The following ABCG4 variants were observed in gnomAD, a reference collection of about 807,000 sequenced individuals.
ABCG4 encodes ATP binding cassette subfamily G member 4.
In ABCG4, 35 loss-of-function variants were observed where a neutral mutation model predicts 64.6. The ratio of observed to expected loss-of-function variants is 0.54; its 90% CI spans 0.41 to 0.72. The LOEUF (loss-of-function observed/expected upper bound fraction) is 0.72. ABCG4 is among the 30% of genes least tolerant of loss of function. The pLI, the probability that ABCG4 is intolerant of heterozygous loss-of-function variation, is 0.00. For synonymous variants in ABCG4, 326 were observed against 348.2 expected, an observed-to-expected ratio of 0.94 and a Z score of 0.71; for missense variants, 610 against 846.3, an observed-to-expected ratio of 0.72 and a Z score of 3.46.
In ABCG4 at chr11:119,154,817, G is replaced by A. The variant is rs147253441; in HGVS notation, c.588G>A (p.Thr196=). 18 of 1,613,878 alleles carry A rather than the reference G, an allele frequency of 1.1e-5. No individual in the cohort carries two copies. The Admixed American group carries it at 1.8e-4, about 16-fold the overall frequency. ...TGGGCCTGATGTCGTGCTCCCACAC[G>A]AGGACAGCCCTGCTCTCTGGCGGGC... ...TALGLMSCSH[T]RTALLSGGQR... The change falls in exon 6 of 15, where the codon ACG becomes ACA. Residue 196 remains threonine (T), a synonymous_variant. Transcript: ENST00000619701. This position sits in a 1 kb window ranked among gnomAD's most constrained non-coding sequence, Gnocchi z 7.0.
Position 119,156,049 on chromosome 11 carries a change from C to G in ABCG4, c.687-280C>G, listed in dbSNP as rs941019869. Reference sequence around the variant, plus strand: ...CCCAAAATCATCTGTGTGCTTGTCTCTCTCTCCTTCCAGACCAGAGTCTAT... The same window carrying G: ...CCCAAAATCATCTGTGTGCTTGTCTGTCTCTCCTTCCAGACCAGAGTCTAT... On this transcript the variant is annotated intron_variant, in intron 6 of 14. Transcript: ENST00000619701. This position sits in a 1 kb window ranked among gnomAD's most constrained non-coding sequence, Gnocchi z 5.5. The G allele has an allele frequency of 4.8e-6, 2 of 412,930 alleles. No individual in the cohort carries two copies. The highest frequency in any genetic ancestry group is 8.9e-6 in the Non-Finnish European group (2 of 223,610). 25.6% of individuals were successfully genotyped at this position (412,930 alleles called of 1,614,324 possible).
In ABCG4 at chr11:119,156,975, G is replaced by A; in HGVS notation, c.1029G>A (p.Glu343=). 1 of 1,613,636 alleles carries A rather than the reference G, an allele frequency of 6.2e-7. No homozygotes were observed. Among genetic ancestry groups the A allele is most frequent in the South Asian group, 1.1e-5 (1 of 90,994 alleles). ...CAMAEKKSSP[E]KNEVPAPCPP... is the part of the protein sequence containing the mutation. The stretch of plus-strand genomic sequence containing the variant: ...TGGCTGAGAAGAAGAGCAGCCCTGA[G>A]AAGAACGAGGTCCCTGCCCCATGCC... Residue 343 remains glutamate, a synonymous_variant, in exon 9 of 15, where the codon GAG becomes GAA. Transcript: ENST00000619701. The surrounding 1 kb of genome is among the most constrained non-coding windows in gnomAD (Gnocchi z 5.5).
Position 119,154,110 on chromosome 11 carries a change from A to G in ABCG4, c.323A>G (p.Lys108Arg). ...ATCATGGGCCCCTCAGGGGCTGGCAAGTCTACATTCATGAACATCTTGGCA... is the reference window on the plus strand; with the variant it reads ...ATCATGGGCCCCTCAGGGGCTGGCAGGTCTACATTCATGAACATCTTGGCA... ...IGIMGPSGAG[K>R]STFMNILAGY... Residue 108 changes from lysine to arginine, a missense_variant, in exon 3 of 15, where the codon AAG becomes AGG. Physicochemically the swap from Lys to Arg is conservative, Grantham distance 26. Transcript: ENST00000619701. This position sits in a 1 kb window ranked among gnomAD's most constrained non-coding sequence, Gnocchi z 7.0. 1 of 1,614,214 alleles carries G rather than the reference A, an allele frequency of 6.2e-7. No homozygotes were observed. The highest frequency in any genetic ancestry group is 8.5e-7 in the Non-Finnish European group (1 of 1,180,032).
Position 119,156,593 on chromosome 11 carries a change from C to T in ABCG4, c.840C>T (p.Ile280=). The part of the protein sequence containing the change: ...KLYILSQGQC[I]FKGVVTNLIP... ...ACATCCTGAGCCAGGGTCAGTGCAT[C>T]TTCAAAGGCGTGGTCACCAACCTGA... Residue 280 remains isoleucine (I), a synonymous_variant, in exon 8 of 15, where the codon ATC becomes ATT. Coordinates refer to ENST00000619701, the MANE Select transcript of ABCG4 (RefSeq NM_022169.5). This position sits in a 1 kb window ranked among gnomAD's most constrained non-coding sequence, Gnocchi z 5.5. 1 of 1,614,186 alleles carries T rather than the reference C, an allele frequency of 6.2e-7. No homozygotes were observed. Among genetic ancestry groups the T allele is most frequent in the Non-Finnish European group, 8.5e-7 (1 of 1,180,028 alleles).
Position 119,156,693 on chromosome 11 carries a change from G to T in ABCG4, c.925+15G>T. The T allele has an allele frequency of 6.2e-7, 1 of 1,613,484 alleles. No homozygotes were observed. Among genetic ancestry groups the T allele is most frequent in the Non-Finnish European group, 8.5e-7 (1 of 1,179,434 alleles). On this transcript the variant is annotated intron_variant, in intron 8 of 14. Coordinates refer to ENST00000619701, the MANE Select transcript of ABCG4 (RefSeq NM_022169.5). This position sits in a 1 kb window ranked among gnomAD's most constrained non-coding sequence, Gnocchi z 5.5. ...GGCTGACTTCAGTGAGTGGGGGTCT[G>T]TTGGTAGGGGCTGGGAAACAGCAGT...
chr11:119,151,574 A>C (rs1455629521), intron 2 of ABCG4, among the ~76,000 whole-genome samples: 1 of 152,236 alleles, frequency 6.6e-6, no homozygotes, highest in Non-Finnish European at 1.5e-5. Flanking sequence ...ATTTGTTATC[A>C]TCTCCCCTAA....
Position 119,150,335 on chromosome 11 carries a change from C to G in ABCG4, c.238+132C>G. The G allele has an allele frequency of 7.7e-7, 1 of 1,307,160 alleles. No individual in the cohort carries two copies. Among genetic ancestry groups the G allele is most frequent in the South Asian group, 1.4e-5 (1 of 71,046 alleles). The allele number at this position is 1,307,160 out of a possible 1,614,324, so 81.0% of individuals were successfully genotyped here. A position where few individuals can be genotyped will look rare whatever the true frequency, so the allele number is the denominator to read the frequency against. On this transcript the variant is annotated intron_variant, in intron 2 of 14. Coordinates refer to ENST00000619701, the MANE Select transcript of ABCG4 (RefSeq NM_022169.5). The surrounding 1 kb of genome is among the most constrained non-coding windows in gnomAD (Gnocchi z 4.3). ...TCTGTGGAAACACTAAAATCTGGGC[C>G]CCAGCCCGTTGCTCACTGTGCACTC...
rs1948165735 is a variant in ABCG4, at chr11:119,149,739, A to G, written c.-12-215A>G. The G allele has an allele frequency of 1.5e-6, 1 of 680,656 alleles. No homozygotes were observed. Among genetic ancestry groups the G allele is most frequent in the Non-Finnish European group, 2.4e-6 (1 of 420,844 alleles). 42.2% of individuals were successfully genotyped at this position (680,656 alleles called of 1,614,324 possible). A position where few individuals can be genotyped will look rare whatever the true frequency, so the allele number is the denominator to read the frequency against. ...GAGGAAGGAGCGATTGAGGGCTTCAAGGGGACGGGCTGGGGTCAGGCTGGA... is the reference window on the plus strand; with the variant it reads ...GAGGAAGGAGCGATTGAGGGCTTCAGGGGGACGGGCTGGGGTCAGGCTGGA... On this transcript the variant is annotated intron_variant, in intron 1 of 14. Coordinates refer to ENST00000619701, the MANE Select transcript of ABCG4 (RefSeq NM_022169.5). This position sits in a 1 kb window ranked among gnomAD's most constrained non-coding sequence, Gnocchi z 8.3.
intron 2 of ABCG4, among the ~76,000 whole-genome samples, chr11:119,152,428 G>A (rs1032971270): frequency 1.3e-5 from 2 of 152,324 alleles, no homozygotes; most frequent in Admixed American, 6.5e-5. Flanking sequence ...CCTGGGTGTC[G>A]TGGAGGGAGG....
intron 2 of ABCG4, chr11:119,153,396 G>A (rs1948216938): frequency 6.5e-6 from 1 of 152,780 alleles, no homozygotes; most frequent in South Asian, 2.1e-4. Context: ...AAGCCTGGTA[G>A]GCAGAGAGAG....
At position 119,150,190 on chromosome 11, in the gene ABCG4, C is replaced by T. The variant is rs370622060; in HGVS notation, c.225C>T (p.Cys75=). 6 of 1,613,594 alleles carry T rather than the reference C, an allele frequency of 3.7e-6. No homozygotes were observed. Reference sequence around the variant, plus strand: ...CCTATTCCGTGCGGGAGGGGCCCTGCTGGCGCAAAAGGGGTAGGGAACAGC... The same window carrying T: ...CCTATTCCGTGCGGGAGGGGCCCTGTTGGCGCAAAAGGGGTAGGGAACAGC... The part of the protein sequence containing the change: ...ELSYSVREGP[C]WRKRGYKTLL... Residue 75 remains cysteine, a synonymous_variant, in exon 2 of 15, where the codon TGC becomes TGT. Transcript: ENST00000619701. This position sits in a 1 kb window ranked among gnomAD's most constrained non-coding sequence, Gnocchi z 4.3.
Position 119,149,723 on chromosome 11 carries a change from G to C in ABCG4, c.-12-231G>C. 1 of 606,814 alleles carries C rather than the reference G, an allele frequency of 1.6e-6. No individual in the cohort carries two copies. The highest frequency in any genetic ancestry group is 2.8e-6 in the Non-Finnish European group (1 of 357,016). The allele number at this position is 606,814 out of a possible 1,614,324, so 37.6% of individuals were successfully genotyped here. On this transcript the variant is annotated intron_variant, in intron 1 of 14. Coordinates refer to ENST00000619701, the MANE Select transcript of ABCG4 (RefSeq NM_022169.5). This position sits in a 1 kb window ranked among gnomAD's most constrained non-coding sequence, Gnocchi z 8.3. Reference sequence around the variant, plus strand: ...TTAGAGAAGCCGCCGGGAGGAAGGAGCGATTGAGGGCTTCAAGGGGACGGG... The same window carrying C: ...TTAGAGAAGCCGCCGGGAGGAAGGACCGATTGAGGGCTTCAAGGGGACGGG...
chr11:119,151,837 C>A (rs1016224193), intron 2 of ABCG4, among the ~76,000 whole-genome samples: 1 of 152,326 alleles, frequency 6.6e-6, no homozygotes, highest in East Asian at 1.9e-4. Flanking sequence ...CTGTGCTGAG[C>A]AGTTGTGGGA....
intron 12 of ABCG4, among the ~76,000 whole-genome samples, chr11:119,159,349 T>A (rs1183608175): frequency 6.7e-6 from 1 of 149,282 alleles, no homozygotes; most frequent in Non-Finnish European, 1.5e-5. Context: ...TAACCAGGCT[T>A]GGTGTTGTGC....
Position 119,162,014 on chromosome 11 carries a change from C to G in ABCG4, c.*908C>G, listed in dbSNP as rs889772647. 6.5e-6 allele frequency: 1 copy of G among 153,172 alleles called. No homozygotes were observed. Among genetic ancestry groups the G allele is most frequent in the Non-Finnish European group, 1.5e-5 (1 of 68,426 alleles). 9.5% of individuals were successfully genotyped at this position (153,172 alleles called of 1,614,324 possible). ...CATCTCAGCCCTACACACTTGCCAT[C>G]CCCTACAGCACAGAGGAAGAGTGAT... On this transcript the variant is annotated 3_prime_UTR_variant, in exon 15 of 15. Coordinates refer to ENST00000619701, the MANE Select transcript of ABCG4 (RefSeq NM_022169.5).
rs1948326914 is a variant in ABCG4, at chr11:119,160,193, G to C, written c.1438-34G>C. ...GTCTTGGCTGCTGTGCCCCTGGCTT[G>C]AAGTCCACTGTCCAGCCCGTGCCCA... is the stretch of plus-strand genomic sequence containing the variant. On this transcript the variant is annotated intron_variant, in intron 12 of 14. Coordinates refer to ENST00000619701, the MANE Select transcript of ABCG4 (RefSeq NM_022169.5). This position sits in a 1 kb window ranked among gnomAD's most constrained non-coding sequence, Gnocchi z 4.6. 2 of 1,582,964 alleles carry C rather than the reference G, an allele frequency of 1.3e-6. No individual in the cohort carries two copies. Among genetic ancestry groups the C allele is most frequent in the Non-Finnish European group, 1.7e-6 (2 of 1,157,044 alleles).
chr11:119,160,327 C>G lies in ABCG4; in HGVS notation c.1538C>G (p.Thr513Ser). The G allele has an allele frequency of 6.2e-7, 1 of 1,613,692 alleles. No homozygotes were observed. Among genetic ancestry groups the G allele is most frequent in the Non-Finnish European group, 8.5e-7 (1 of 1,179,688 alleles). ...FLLFSALATA[T>S]ALVAQSLGLL... is the part of the protein sequence containing the mutation. Reference sequence around the variant, plus strand: ...CTCTTCTCAGCCCTGGCCACCGCCACCGCCTTGGTGGCCCAATCTTTGGGG... The same window carrying G: ...CTCTTCTCAGCCCTGGCCACCGCCAGCGCCTTGGTGGCCCAATCTTTGGGG... Residue 513 changes from threonine to serine, a missense_variant, in exon 13 of 15, where the codon ACC becomes AGC. By Grantham distance (58) the Thr-to-Ser change is moderately conservative (BLOSUM62 1). Transcript: ENST00000619701. The surrounding 1 kb of genome is among the most constrained non-coding windows in gnomAD (Gnocchi z 4.6).
rs1948262886 is a variant in ABCG4 at position 119,156,319 on chromosome 11, C to T, written c.687-10C>T. 1 of 1,614,074 alleles carries T rather than the reference C, an allele frequency of 6.2e-7. No individual in the cohort carries two copies. The highest frequency in any genetic ancestry group is 1.7e-5 in the Admixed American group (1 of 60,008). On this transcript the variant is annotated splice_polypyrimidine_tract_variant and intron_variant, in intron 6 of 14. Transcript: ENST00000619701. This position sits in a 1 kb window ranked among gnomAD's most constrained non-coding sequence, Gnocchi z 5.5. ...CTCACGTGGCCCCCTGGTGGCCTCTCTCTGGACAGTGGTCTGGATAGCGCC... is the reference window on the plus strand; with the variant it reads ...CTCACGTGGCCCCCTGGTGGCCTCTTTCTGGACAGTGGTCTGGATAGCGCC...
rs553162084 is a variant in ABCG4, at chr11:119,158,692, A to T, written c.1303A>T (p.Met435Leu). 1.3e-5 allele frequency: 21 copies of T among 1,614,016 alleles called. No homozygotes were observed. The South Asian group carries it at 2.3e-4, about 18-fold the overall frequency. ...CCTCTTCTTCTCCATGCTGTTCCTC[A>T]TGTTCGCCGCCCTCATGCCAACTGT... ...GCLFFSMLFL[M>L]FAALMPTVLT... is the part of the protein sequence containing the mutation. Residue 435 changes from methionine to leucine, a missense_variant, in exon 11 of 15, where the codon ATG becomes TTG. Transcript: ENST00000619701. This position sits in a 1 kb window ranked among gnomAD's most constrained non-coding sequence, Gnocchi z 4.5.
Sources: gnomAD v4.1 joint callset for allele counts (sites outside exome capture counted in the v4.1 genomes callset) on GRCh38, gnomAD v4.1.1 for gene constraint, Gnocchi (gnomAD v3.1) non-coding constraint, MANE v1.5 for transcripts, NCBI Gene and HGNC (gene_info 2026-07-23, HGNC 2026-07-21) for gene names.